UGT1A4: variants seen among roughly 807,000 people sequenced by gnomAD.
UGT1A4 encodes the protein UDP-glucuronosyltransferase 1A4.
A neutral mutation model predicts 41.1 loss-of-function variants in UGT1A4; 32 were observed. The observed-to-expected ratio is 0.78, with a 90% CI of 0.59 to 1.05. The LOEUF (loss-of-function observed/expected upper bound fraction) is 1.05. UGT1A4 is among the 50% of genes least tolerant of loss of function. UGT1A4 has a pLI of 0.00. For missense variants in UGT1A4, 748 were observed against 677.4 expected (o/e 1.10, Z -1.16); for synonymous variants, 283 against 265.1 (o/e 1.07, Z -0.66).
chr2:233,769,665 G>A lies in UGT1A4; in HGVS notation c.1307+1226G>A. 6.3e-7 allele frequency: 1 copy of A among 1,592,194 alleles called. No individual in the cohort carries two copies. Among genetic ancestry groups the A allele is most frequent in the Non-Finnish European group, 8.6e-7 (1 of 1,169,328 alleles). On this transcript the variant is annotated intron_variant, in intron 4 of 4. Transcript: ENST00000373409. The surrounding 1 kb of genome is among the most constrained non-coding windows in gnomAD (Gnocchi z 4.4). ...TGATGACTGACTTCCCACCTTTGAG[G>A]TGCTAATGTGTGTGTGGTGGCACTG...
rs558234193 is a variant in UGT1A4 at position 233,719,553 on chromosome 2, G to C, written c.733G>C (p.Val245Leu). 7.4e-6 allele frequency: 12 copies of C among 1,613,960 alleles called. No homozygotes were observed. In the South Asian group the frequency reaches 1.2e-4, roughly 16 times the overall value. The change falls in exon 1 of 5, where the codon GTG (valine) becomes CTG (leucine). Residue 245 changes from valine to leucine, a missense_variant. Physicochemically the swap from Val to Leu is conservative, Grantham distance 32. Coordinates refer to ENST00000373409, the MANE Select transcript of UGT1A4 (RefSeq NM_007120.3). The part of the protein sequence containing the change: ...ASELFQREVS[V>L]VDLVSYASVW... ...TGAGCTTTTTCAGAGAGAGGTGTCA[G>C]TGGTGGATCTTGTCAGCTATGCATC...
In UGT1A4 at chr2:233,769,639, C is replaced by T; in HGVS notation, c.1307+1200C>T. 2.5e-6 allele frequency: 4 copies of T among 1,609,972 alleles called. No homozygotes were observed. The highest frequency in any genetic ancestry group is 1.3e-5 in the African/African-American group (1 of 75,022). The stretch of plus-strand genomic sequence containing the variant: ...TTGAGCAAGGGACAACAGGGGAGGA[C>T]TGATGACTGACTTCCCACCTTTGAG... On this transcript the variant is annotated intron_variant, in intron 4 of 4. Transcript: ENST00000373409. This position sits in a 1 kb window ranked among gnomAD's most constrained non-coding sequence, Gnocchi z 4.4.
At chr2:233,725,897 G>A (rs2077482523) in intron 1 of UGT1A4, among the ~76,000 whole-genome samples, 1 of 152,122 alleles carries the variant, frequency 6.6e-6, no homozygotes, top group Admixed American at 6.5e-5. Flanking sequence ...GCAGGTGGGT[G>A]GCTCACACCT....
At chr2:233,767,258 C>A in intron 2 of UGT1A4, 93 bp downstream of exon 2, 1 of 1,592,782 alleles carries the variant, frequency 6.3e-7, no homozygotes, top group Non-Finnish European at 8.5e-7. Flanking sequence ...TTAATTGGAA[C>A]CTTAGATTTG....
At chr2:233,743,680 G>T in intron 1 of UGT1A4, 1 of 1,367,218 alleles carries the variant, frequency 7.3e-7, no homozygotes, top group South Asian at 1.1e-5. Context: ...AGGGCCTGCC[G>T]CCTGTGCAGC....
Position 233,769,582 on chromosome 2 carries a change from T to G in UGT1A4, c.1307+1143T>G. The G allele has an allele frequency of 6.2e-7, 1 of 1,612,842 alleles. No homozygotes were observed. Among genetic ancestry groups the G allele is most frequent in the Admixed American group, 1.7e-5 (1 of 60,012 alleles). ...TGTGAAGAGCTGGAGCATGTTCAGA[T>G]GAGAGGAGACGGAACACGGGGACAC... On this transcript the variant is annotated intron_variant, in intron 4 of 4. Coordinates refer to ENST00000373409, the MANE Select transcript of UGT1A4 (RefSeq NM_007120.3). This position sits in a 1 kb window ranked among gnomAD's most constrained non-coding sequence, Gnocchi z 4.4.
chr2:233,772,211 T>C, intron 4 of UGT1A4, 51 bp from the exon 5 acceptor site: 2 of 1,610,790 alleles, frequency 1.2e-6, no homozygotes, highest in Non-Finnish European at 1.7e-6. Flanking sequence ...AAAGAGAGGA[T>C]TGTTCATACC....
chr2:233,763,335 T>C (rs1344403817), intron 1 of UGT1A4, among the ~76,000 whole-genome samples: 2 of 152,244 alleles, frequency 1.3e-5, no homozygotes, highest in Non-Finnish European at 2.9e-5. Context: ...TTTGTTTACA[T>C]TTCCCTAGCA....
At chr2:233,734,436 C>G (rs1368482825) in intron 1 of UGT1A4, among the ~76,000 whole-genome samples, 2 of 151,658 alleles carry the variant, frequency 1.3e-5, no homozygotes, top group Admixed American at 1.3e-4. Context: ...TTAGTCTTGC[C>G]AGAGGTCTAT....
rs1693674969 is a variant in UGT1A4 at position 233,747,432 on chromosome 2, T to A, written c.868-19602T>A. ...GAATATGCACATCAAACAAGAGAAA[T>A]TTTTCACCCTGACAACCTATGCCAT... On this transcript the variant is annotated intron_variant, in intron 1 of 4. Transcript: ENST00000373409. 1.9e-6 allele frequency: 3 copies of A among 1,608,474 alleles called. No individual in the cohort carries two copies. The Admixed American group carries it at 5.0e-5, about 27-fold the overall frequency.
intron 1 of UGT1A4, among the ~76,000 whole-genome samples, chr2:233,757,643 G>A (rs955610345): frequency 6.7e-6 from 1 of 150,102 alleles, no homozygotes; most frequent in African/African-American, 2.5e-5. Context: ...AGAACAAAAT[G>A]CTGTTTTTCT....
chr2:233,772,512 G>A lies in UGT1A4; in HGVS notation c.1558G>A (p.Gly520Arg), dbSNP rs1553624227. The change falls in exon 5 of 5, where the codon GGG becomes AGG. Residue 520 changes from glycine (G) to arginine (R), a missense_variant. By Grantham distance (125) the Gly-to-Arg change is moderately radical. Coordinates refer to ENST00000373409, the MANE Select transcript of UGT1A4 (RefSeq NM_007120.3). ...CCAYGYRKCL[G>R]KKGRVKKAHK... ...TGCTTATGGCTACCGGAAATGCTTG[G>A]GGAAAAAAGGGCGAGTTAAGAAAGC... 6.2e-7 allele frequency: 1 copy of A among 1,614,116 alleles called. No individual in the cohort carries two copies. The highest frequency in any genetic ancestry group is 8.5e-7 in the Non-Finnish European group (1 of 1,180,014).
chr2:233,747,336 G>C, intron 1 of UGT1A4: 1 of 1,603,642 alleles, frequency 6.2e-7, no homozygotes, highest in South Asian at 1.1e-5. Context: ...GCAGCCACTG[G>C]CTCGCATGCG....
At chr2:233,721,562 G>T in intron 1 of UGT1A4, 1 of 161,272 alleles carries the variant, frequency 6.2e-6, no homozygotes, top group Non-Finnish European at 1.4e-5. Flanking sequence ...GTTTCTTCTG[G>T]GATATCTTTT....
chr2:233,760,308 C>T lies in UGT1A4; in HGVS notation c.868-6726C>T, dbSNP rs780253764. Reference sequence around the variant, plus strand: ...GCGCCATGGCTGTGGAGTCCCAGGGCGGACGCCCACTTGTCCTGGGCCTGC... The same window carrying T: ...GCGCCATGGCTGTGGAGTCCCAGGGTGGACGCCCACTTGTCCTGGGCCTGC... On this transcript the variant is annotated intron_variant, in intron 1 of 4. Transcript: ENST00000373409. 9.9e-6 allele frequency: 16 copies of T among 1,613,678 alleles called. No homozygotes were observed. The highest frequency in any genetic ancestry group is 1.7e-5 in the Admixed American group (1 of 60,028).
At chr2:233,733,540 G>A (rs1459592747) in intron 1 of UGT1A4, among the ~76,000 whole-genome samples, 2 of 152,164 alleles carry the variant, frequency 1.3e-5, no homozygotes, top group Non-Finnish European at 2.9e-5. Flanking sequence ...TTTGTTGAAG[G>A]CCTTTTCTGC....
chr2:233,760,803 G>T lies in UGT1A4; in HGVS notation c.868-6231G>T, dbSNP rs748734877. 2.5e-6 allele frequency: 4 copies of T among 1,613,224 alleles called. No individual in the cohort carries two copies. The highest frequency in any genetic ancestry group is 3.3e-5 in the Admixed American group (2 of 59,970). ...TGTCTCTGCCCACTGTATTCTTCTT[G>T]CATGCACTGCCATGCAGCCTGGAAT... On this transcript the variant is annotated intron_variant, in intron 1 of 4. Transcript: ENST00000373409.
chr2:233,724,512 C>A (rs1184546630), intron 1 of UGT1A4, among the ~76,000 whole-genome samples: 1 of 98,296 alleles, frequency 1.0e-5, no homozygotes, highest in Non-Finnish European at 2.1e-5. Context: ...CGCTCCTCAC[C>A]TCCCAGATGG....
At chr2:233,746,657 G>T (rs4663333) in intron 1 of UGT1A4, among the ~76,000 whole-genome samples, 82,861 of 151,208 alleles carry the variant, frequency 0.55, 24,907 homozygotes, top group African/African-American at 0.8. Flanking sequence ...TTTCTGTCCC[G>T]AGTTCCTAGC....
Sources: allele counts gnomAD v4.1 joint callset (sites outside exome capture counted in the v4.1 genomes callset), GRCh38; gene constraint gnomAD v4.1.1; non-coding constraint Gnocchi (gnomAD v3.1); transcripts MANE v1.5; gene names NCBI Gene and HGNC (gene_info 2026-07-23, HGNC 2026-07-21).